CCDC141: variants seen among roughly 807,000 people sequenced by gnomAD.
CCDC141 encodes the protein coiled-coil domain containing 141.
In CCDC141, 168 loss-of-function variants were observed where a neutral mutation model predicts 181.0. The ratio of observed to expected loss-of-function variants is 0.93; its 90% CI spans 0.82 to 1.05. The LOEUF is 1.05. Ranked by LOEUF, CCDC141 falls within the 50% of genes least tolerant of loss-of-function variation. The pLI is 0.00. For missense variants in CCDC141, 1,902 were observed against 1,788.5 expected (o/e 1.06, Z -1.14); for synonymous variants, 666 against 642.3 (o/e 1.04, Z -0.56).
the CCDC141 span, among the ~76,000 whole-genome samples, chr2:178,820,029 C>A: frequency 6.6e-6 from 1 of 152,112 alleles, no homozygotes; most frequent in Non-Finnish European, 1.5e-5. Context: ...CTAAGTAAAG[C>A]ACACCACTGA....
chr2:178,931,858 G>T (rs1339438950), intron 6 of CCDC141, among the ~76,000 whole-genome samples: 2 of 151,986 alleles, frequency 1.3e-5, no homozygotes, highest in African/African-American at 4.8e-5. Flanking sequence ...GTTGTGTGAG[G>T]CATTGTGCTA....
chr2:178,823,252 C>T, the CCDC141 span, among the ~76,000 whole-genome samples: 1 of 152,138 alleles, frequency 6.6e-6, no homozygotes, highest in Admixed American at 6.5e-5. Flanking sequence ...GAATAAGCAT[C>T]CTCTATCTGC....
chr2:179,014,752 T>C (rs962187823), intron 2 of CCDC141, among the ~76,000 whole-genome samples: 5 of 151,822 alleles, frequency 3.3e-5, no homozygotes, highest in Admixed American at 3.3e-4. Flanking sequence ...ATGGCCATTA[T>C]CAAAAAAATC....
chr2:178,938,200 T>C (rs1689365730), intron 6 of CCDC141, among the ~76,000 whole-genome samples: 1 of 152,042 alleles, frequency 6.6e-6, no homozygotes, highest in African/African-American at 2.4e-5. Context: ...TAGAAAGACA[T>C]TTAGGGGAGA....
At chr2:178,906,852 G>T (rs188021916) in intron 7 of CCDC141, among the ~76,000 whole-genome samples, 5 of 152,324 alleles carry the variant, frequency 3.3e-5, no homozygotes, top group East Asian at 3.9e-4. Flanking sequence ...AGAGGCTATG[G>T]TCATGGAGGT....
rs2043454246 is a variant in CCDC141, at chr2:179,045,225, A to C, written c.225+2059T>G. Among the ~76,000 whole-genome samples, 5 of 135,746 alleles carry C rather than the reference A, an allele frequency of 3.7e-5. No homozygotes were observed. In the South Asian group the frequency reaches 1.2e-3, roughly 33 times the overall value. The allele number at this position is 135,746 out of a possible 152,430, so 89.1% of individuals were successfully genotyped here. ...CCCCTTCCTGTGTTCATGTGTTCTC[A>C]TTGTTCAATTCCCACCTATGAGTGA... On this transcript the variant is annotated intron_variant, in intron 2 of 23. Coordinates refer to ENST00000443758, the MANE Select transcript of CCDC141 (RefSeq NM_173648.4).
intron 2 of CCDC141, among the ~76,000 whole-genome samples, chr2:179,025,724 G>A (rs1204635158): frequency 1.3e-5 from 2 of 152,212 alleles, no homozygotes; most frequent in African/African-American, 2.4e-5. Flanking sequence ...GGGGTTGGAA[G>A]AGTTTGGAGG....
chr2:178,821,454 T>G, the CCDC141 span, among the ~76,000 whole-genome samples: 2 of 152,144 alleles, frequency 1.3e-5, no homozygotes, highest in African/African-American at 2.4e-5. Context: ...CACCTGCCTG[T>G]TCCAATGAGA....
chr2:178,845,525 A>T, intron 22 of CCDC141, 101 bp downstream of exon 22: 1 of 700,506 alleles, frequency 1.4e-6, no homozygotes, highest in Non-Finnish European at 2.5e-6. Context: ...TTCTATTTGG[A>T]TAGATAAGAA....
chr2:179,043,027 T>C (rs770394712), intron 2 of CCDC141, among the ~76,000 whole-genome samples: 3 of 151,962 alleles, frequency 2.0e-5, no homozygotes, highest in Non-Finnish European at 4.4e-5. Flanking sequence ...CAGTTTGAAA[T>C]GATAAGGGGG....
chr2:179,015,209 A>ATCATACATC (rs2042432077), intron 2 of CCDC141, among the ~76,000 whole-genome samples: 1 of 126,228 alleles, frequency 7.9e-6, no homozygotes, highest in Non-Finnish European at 1.6e-5. Context: ...TATCATATAT[A>ATCATACATC]TCATATATCT....
At chr2:179,000,306 G>T (rs1044681216) in intron 2 of CCDC141, among the ~76,000 whole-genome samples, 22 of 151,566 alleles carry the variant, frequency 1.5e-4, no homozygotes, top group Non-Finnish European at 7.4e-5. Flanking sequence ...AGTTTTTTTT[G>T]GAACACAACT....
chr2:178,815,123 G>C, the CCDC141 span, among the ~76,000 whole-genome samples: 1 of 152,132 alleles, frequency 6.6e-6, no homozygotes, highest in African/African-American at 2.4e-5. Flanking sequence ...ATAAATTTCA[G>C]TAAGTTTAAG....
chr2:178,906,703 C>A (rs1437676955), intron 7 of CCDC141, among the ~76,000 whole-genome samples: 1 of 152,144 alleles, frequency 6.6e-6, no homozygotes, highest in Non-Finnish European at 1.5e-5. Context: ...GAAGACCCCA[C>A]AGAAGACTCT....
chr2:179,029,524 G>C (rs965268824), intron 2 of CCDC141, among the ~76,000 whole-genome samples: 1 of 152,070 alleles, frequency 6.6e-6, no homozygotes, highest in Admixed American at 6.6e-5. Flanking sequence ...GTTTTTCAAG[G>C]GGGTAAAAAC....
At chr2:179,047,938 T>C (rs1311174814) in intron 1 of CCDC141, among the ~76,000 whole-genome samples, 1 of 152,190 alleles carries the variant, frequency 6.6e-6, no homozygotes, top group Non-Finnish European at 1.5e-5. Context: ...TTATCTTATT[T>C]CAAAGGTAAA....
At chr2:178,960,980 C>G (rs557291898) in intron 5 of CCDC141, among the ~76,000 whole-genome samples, 3 of 152,326 alleles carry the variant, frequency 2.0e-5, no homozygotes, top group Admixed American at 2.0e-4. Context: ...AAATAGAATA[C>G]ATTCATTCTC....
chr2:179,039,660 C>A (rs2043240605), intron 2 of CCDC141, among the ~76,000 whole-genome samples: 1 of 152,150 alleles, frequency 6.6e-6, no homozygotes, highest in Non-Finnish European at 1.5e-5. Context: ...GAACAAATTG[C>A]AAGACCCTGT....
intron 12 of CCDC141, 44 bp downstream of exon 12, chr2:178,877,920 G>T (rs756276670): frequency 6.6e-7 from 1 of 1,515,140 alleles, no homozygotes; most frequent in South Asian, 1.1e-5. Flanking sequence ...TGACTTTGAT[G>T]AGTATCCCTG....
Sources: gnomAD v4.1 joint callset for allele counts (sites outside exome capture counted in the v4.1 genomes callset) on GRCh38, gnomAD v4.1.1 for gene constraint, MANE v1.5 for transcripts, NCBI Gene and HGNC (gene_info 2026-07-23, HGNC 2026-07-21) for gene names.